Variants in SHH observed in about 807,000 individuals in gnomAD.
SHH encodes the protein sonic hedgehog signaling molecule.
Under a neutral mutation model 16.6 loss-of-function variants are expected in SHH, and 3 were observed. The ratio of observed to expected loss-of-function variants is 0.18; its 90% CI spans 0.08 to 0.47. The LOEUF is 0.47. Ranked by LOEUF, SHH falls within the 20% of genes least tolerant of loss-of-function variation. SHH has a pLI of 0.98. For synonymous variants in SHH, 351 were observed against 316.2 expected, an observed-to-expected ratio of 1.11 and a Z score of -1.17; for missense variants, 499 against 665.0, an observed-to-expected ratio of 0.75 and a Z score of 2.75.
In SHH at chr7:155,803,146, G is replaced by A; in HGVS notation, c.1143C>T (p.Arg381=). ...SWAHRAFAPF[R]LAHALLAALA... ...GTGCAGCCAGGAGCGCGTGCGCCAG[G>A]CGGAAGGGCGCGAAGGCCCGGTGCG... Residue 381 remains arginine, a synonymous_variant, in exon 3 of 3, where the codon CGC becomes CGT. Coordinates refer to ENST00000297261, the MANE Select transcript of SHH (RefSeq NM_000193.4). 1.4e-6 allele frequency: 2 copies of A among 1,427,952 alleles called. No individual in the cohort carries two copies. The highest frequency in any genetic ancestry group is 9.2e-7 in the Non-Finnish European group (1 of 1,087,530). 88.5% of individuals were successfully genotyped at this position (1,427,952 alleles called of 1,614,324 possible). A position where few individuals can be genotyped will look rare whatever the true frequency, so the allele number is the denominator to read the frequency against.
intron 2 of SHH, among the ~76,000 whole-genome samples, chr7:155,804,892 G>T (rs1044030205): frequency 2.6e-5 from 4 of 152,224 alleles, no homozygotes; most frequent in African/African-American, 9.6e-5. Context: ...ATTACAGGGG[G>T]CTTTTAATCT....
In SHH at chr7:155,811,817, T is replaced by C; in HGVS notation, c.300+6A>G. On this transcript the variant is annotated splice_donor_region_variant and intron_variant, in intron 1 of 2. Transcript: ENST00000297261. ...CACATTCCACGCCCCGGCGCTGGGT[T>C]CCTACCTGAGTCATCAGCCTGTCCG... 6.2e-7 allele frequency: 1 copy of C among 1,614,102 alleles called. No individual in the cohort carries two copies. The highest frequency in any genetic ancestry group is 2.2e-5 in the East Asian group (1 of 44,880).
chr7:155,810,575 G>A lies in SHH; in HGVS notation c.300+1248C>T, dbSNP rs1050350648. Among the ~76,000 whole-genome samples, 9 of 152,368 alleles carry A rather than the reference G, an allele frequency of 5.9e-5. No individual in the cohort carries two copies. In the East Asian group the frequency reaches 1.5e-3, roughly 26 times the overall value. On this transcript the variant is annotated intron_variant, in intron 1 of 2. Coordinates refer to ENST00000297261, the MANE Select transcript of SHH (RefSeq NM_000193.4). The stretch of plus-strand genomic sequence containing the variant: ...TTAAGGTGGTCGGGAGCAGATGAGG[G>A]AGAGCAAGGAAATCAGGACCATTTC...
At position 155,806,303 on chromosome 7, in the gene SHH, C is replaced by A; in HGVS notation, c.555G>T (p.Val185=). The A allele has an allele frequency of 1.9e-6, 3 of 1,613,246 alleles. No individual in the cohort carries two copies. The highest frequency in any genetic ancestry group is 4.5e-5 in the East Asian group (2 of 44,890). Residue 185 remains valine (V), a synonymous_variant, in exon 2 of 3, where the codon GTG becomes GTT. Transcript: ENST00000297261. ...GGGCCAGGGCCAGCTTACCTGCTTT[C>A]ACCGAGCAGTGGATATGTGCCTTGG... The part of the protein sequence containing the change: ...YESKAHIHCS[V]KAENSVAAKS...
chr7:155,803,009 C>T lies in SHH; in HGVS notation c.1280G>A (p.Gly427Glu), dbSNP rs762615770. ...APGAADAPGAGATAGIHWYSQ... is the reference protein window; with the variant it reads ...APGAADAPGAEATAGIHWYSQ... The stretch of plus-strand genomic sequence containing the variant: ...GTACCAGTGGATGCCCGCGGTGGCC[C>T]CCGCACCCGGAGCGTCGGCAGCACC... The change falls in exon 3 of 3, where the codon GGG (glycine) becomes GAG (glutamate). Residue 427 changes from glycine (G) to glutamate (E), a missense_variant. By Grantham distance (98) the Gly-to-Glu change is moderately conservative (BLOSUM62 -2). Transcript: ENST00000297261. 5 of 1,539,538 alleles carry T rather than the reference C, an allele frequency of 3.2e-6. No individual in the cohort carries two copies. The highest frequency in any genetic ancestry group is 1.2e-5 in the South Asian group (1 of 80,880).
In SHH at chr7:155,800,812, TCAGGGAC is replaced by T. The variant is rs1803163802; in HGVS notation, c.*2081_*2087del. ...GGCAGACCCGTAGCAGAGCAGACCC[TCAGGGAC>T]TGGGCCCAACCTCGGGAGCCAGCCC... On this transcript the variant is annotated 3_prime_UTR_variant, in exon 3 of 3. Transcript: ENST00000297261. 1 of 357,212 alleles carries T rather than the reference TCAGGGAC, an allele frequency of 2.8e-6. No homozygotes were observed. Among genetic ancestry groups the T allele is most frequent in the Non-Finnish European group, 5.6e-6 (1 of 180,100 alleles). 22.1% of individuals were successfully genotyped at this position (357,212 alleles called of 1,614,324 possible). A position where few individuals can be genotyped will look rare whatever the true frequency, so the allele number is the denominator to read the frequency against.
chr7:155,802,425 A>G lies in SHH; in HGVS notation c.*475T>C, dbSNP rs1171278236. 6.6e-6 allele frequency: 1 copy of G among 152,554 alleles called. No individual in the cohort carries two copies. The highest frequency in any genetic ancestry group is 1.5e-5 in the Non-Finnish European group (1 of 68,310). The allele number at this position is 152,554 out of a possible 1,614,324, so 9.5% of individuals were successfully genotyped here. A position where few individuals can be genotyped will look rare whatever the true frequency, so the allele number is the denominator to read the frequency against. ...GAGAAGCAGGAGATGGAAGGGAGGG[A>G]TGGCGGGGACAGAGGTTTGCTTTCT... is the stretch of plus-strand genomic sequence containing the variant. On this transcript the variant is annotated 3_prime_UTR_variant, in exon 3 of 3. Transcript: ENST00000297261.
chr7:155,811,845 C>T lies in SHH; in HGVS notation c.278G>A (p.Gly93Glu). The part of the protein sequence containing the change: ...DIIFKDEENT[G>E]ADRLMTQRCK... ...TACCTGAGTCATCAGCCTGTCCGCT[C>T]CGGTGTTTTCTTCATCCTTAAATAT... The change falls in exon 1 of 3, where the codon GGA becomes GAA. Residue 93 changes from glycine to glutamate, a missense_variant. By Grantham distance (98) the Gly-to-Glu change is moderately conservative. Coordinates refer to ENST00000297261, the MANE Select transcript of SHH (RefSeq NM_000193.4). 6.2e-7 allele frequency: 1 copy of T among 1,614,200 alleles called. No individual in the cohort carries two copies. Among genetic ancestry groups the T allele is most frequent in the Non-Finnish European group, 8.5e-7 (1 of 1,180,040 alleles).
rs10596345 is a variant in SHH, at chr7:155,802,076, CAAAAAAAAAAAAAAAA to C, written c.*808_*823del. Reference sequence around the variant, plus strand: ...AAAATAACAGTTCTTCCAGTTTGTCCAAAAAAAAAAAAAAAAAAAAAAAAGAAAAGAAAAGAAAAAG... The same window carrying C: ...AAAATAACAGTTCTTCCAGTTTGTCCAAAAAAAAGAAAAGAAAAGAAAAAG... On this transcript the variant is annotated 3_prime_UTR_variant, in exon 3 of 3. Transcript: ENST00000297261. 1.1e-5 allele frequency: 1 copy of C among 91,222 alleles called. No homozygotes were observed. Among genetic ancestry groups the C allele is most frequent in the South Asian group, 4.1e-4 (1 of 2,454 alleles). 5.7% of individuals were successfully genotyped at this position (91,222 alleles called of 1,614,324 possible).
intron 2 of SHH, among the ~76,000 whole-genome samples, chr7:155,805,187 G>A (rs898435057): frequency 6.6e-6 from 1 of 152,072 alleles, no homozygotes; most frequent in African/African-American, 2.4e-5. Flanking sequence ...GCAGGGAGCC[G>A]GGGAGGAGGT....
chr7:155,805,777 G>T (rs1210435431), intron 2 of SHH, among the ~76,000 whole-genome samples: 1 of 152,208 alleles, frequency 6.6e-6, no homozygotes, highest in Non-Finnish European at 1.5e-5. Flanking sequence ...TTGCCCCTGG[G>T]TTTACTGCCG....
intron 1 of SHH, chr7:155,806,875 C>A: frequency 4.2e-6 from 2 of 470,684 alleles, no homozygotes; most frequent in South Asian, 4.1e-5. Context: ...AAACAAGTGA[C>A]CTGCATGTTT....
At chr7:155,803,804 C>A in intron 2 of SHH, 78 bp from the exon 3 acceptor site, 3 of 1,312,924 alleles carry the variant, frequency 2.3e-6, no homozygotes, top group South Asian at 1.3e-5. Flanking sequence ...GGGAGGAGGG[C>A]GCACGCTTGG....
Position 155,800,704 on chromosome 7 carries a change from C to G in SHH, c.*2196G>C, listed in dbSNP as rs746354744. 28 of 464,860 alleles carry G rather than the reference C, an allele frequency of 6.0e-5. No individual in the cohort carries two copies. Among genetic ancestry groups the G allele is most frequent in the Non-Finnish European group, 1.3e-5 (3 of 225,698 alleles). The allele number at this position is 464,860 out of a possible 1,614,324, so 28.8% of individuals were successfully genotyped here. ...AAGAAAAGTCTTTTACAGAAAAAGG[C>G]TGAGGACTGCTCCTGAGGAGAGGGC... On this transcript the variant is annotated 3_prime_UTR_variant, in exon 3 of 3. Coordinates refer to ENST00000297261, the MANE Select transcript of SHH (RefSeq NM_000193.4).
At position 155,806,402 on chromosome 7, in the gene SHH, G is replaced by A. The variant is rs1563200802; in HGVS notation, c.456C>T (p.Asp152=). ...GCATGCCGTACTTGCTGCGGTCGCGGTCAGACGTGGTGATGTCCACTGCGC... is the reference window on the plus strand; with the variant it reads ...GCATGCCGTACTTGCTGCGGTCGCGATCAGACGTGGTGATGTCCACTGCGC... ...EGRAVDITTS[D]RDRSKYGMLA... is the part of the protein sequence containing the mutation. The change falls in exon 2 of 3, where the codon GAC becomes GAT. Residue 152 remains aspartate, a synonymous_variant. Transcript: ENST00000297261. 2 of 1,613,752 alleles carry A rather than the reference G, an allele frequency of 1.2e-6. No homozygotes were observed. Among genetic ancestry groups the A allele is most frequent in the Middle Eastern group, 1.6e-4 (1 of 6,062 alleles).
chr7:155,811,615 C>T (rs191555594), intron 1 of SHH, among the ~76,000 whole-genome samples: 49 of 152,272 alleles, frequency 3.2e-4, no homozygotes, highest in African/African-American at 1.1e-3. Context: ...ACCCCCACCA[C>T]ACCCTAAACT....
rs1022199596 is a variant in SHH at position 155,807,079 on chromosome 7, T to TGCACTGC, written c.301-529_301-523dup. 4.6e-6 allele frequency: 1 copy of TGCACTGC among 216,356 alleles called. No homozygotes were observed. Among genetic ancestry groups the TGCACTGC allele is most frequent in the African/African-American group, 2.3e-5 (1 of 43,728 alleles). The allele number at this position is 216,356 out of a possible 1,614,324, so 13.4% of individuals were successfully genotyped here. On this transcript the variant is annotated intron_variant, in intron 1 of 2. Transcript: ENST00000297261. This position sits in a 1 kb window ranked among gnomAD's most constrained non-coding sequence, Gnocchi z 7.1. ...GCAAGTTCCCAGAAATAAAGAAAAA[T>TGCACTGC]GCACTGCGCACTGCTTGGAGAATTG...
chr7:155,802,809 T>G lies in SHH; in HGVS notation c.*91A>C, dbSNP rs1803219462. ...TATTCTTATTATAACTCAGTCTGGT[T>G]CGTGCGCCTTTTCCGAGTGTCTTTT... On this transcript the variant is annotated 3_prime_UTR_variant, in exon 3 of 3. Transcript: ENST00000297261. The G allele has an allele frequency of 1.3e-6, 1 of 763,720 alleles. No homozygotes were observed. Among genetic ancestry groups the G allele is most frequent in the Non-Finnish European group, 1.9e-6 (1 of 523,964 alleles). The allele number at this position is 763,720 out of a possible 1,614,324, so 47.3% of individuals were successfully genotyped here. A position where few individuals can be genotyped will look rare whatever the true frequency, so the allele number is the denominator to read the frequency against.
intron 2 of SHH, among the ~76,000 whole-genome samples, chr7:155,805,865 G>A (rs1053862785): frequency 1.3e-5 from 2 of 152,252 alleles, no homozygotes; most frequent in African/African-American, 4.8e-5. Flanking sequence ...GGGCTCCGGG[G>A]CAGGATAGAC....
Sources: gnomAD v4.1 joint callset for allele counts (sites outside exome capture counted in the v4.1 genomes callset) on GRCh38, gnomAD v4.1.1 for gene constraint, Gnocchi (gnomAD v3.1) non-coding constraint, MANE v1.5 for transcripts, NCBI Gene and HGNC (gene_info 2026-07-23, HGNC 2026-07-21) for gene names.